PSTK: variants seen among roughly 807,000 people sequenced by gnomAD.
PSTK encodes the protein L-seryl-tRNA(Sec) kinase.
Under a neutral mutation model 38.6 loss-of-function variants are expected in PSTK, and 26 were observed. That is an observed-to-expected ratio of 0.67 (90% confidence interval 0.49 to 0.94). The LOEUF (loss-of-function observed/expected upper bound fraction) is 0.94, where lower values mean the gene tolerates loss of function less well. Among genes scored for constraint, PSTK ranks in the 40% least tolerant of loss-of-function variants. PSTK has a pLI of 0.00. For missense variants in PSTK, 445 were observed against 436.3 expected (o/e 1.02, Z -0.18); for synonymous variants, 181 against 161.7 (o/e 1.12, Z -0.91).
At chr10:122,981,065 G>A (rs1450844076) in intron 1 of PSTK, among the ~76,000 whole-genome samples, 3 of 152,326 alleles carry the variant, frequency 2.0e-5, no homozygotes, top group East Asian at 3.9e-4. Context: ...AATCCCTTAG[G>A]AAGTTTCTCC....
chr10:122,981,823 A>G (rs1848962448), intron 1 of PSTK, among the ~76,000 whole-genome samples: 1 of 152,146 alleles, frequency 6.6e-6, no homozygotes, highest in Non-Finnish European at 1.5e-5. Context: ...CTTCACTTGT[A>G]TTATGTTGTT....
At chr10:122,983,070 G>A (rs3736585) in intron 2 of PSTK, 46 bp downstream of exon 2, 999,824 of 1,495,908 alleles carry the variant, frequency 0.67, 338,131 homozygotes, top group Non-Finnish European at 0.69. Context: ...ACTTATTCAC[G>A]TATCAAAAAC....
At chr10:122,986,247 A>AC in intron 3 of PSTK, 53 bp from the exon 4 acceptor site, 1 of 1,091,510 alleles carries the variant, frequency 9.2e-7, no homozygotes, top group Non-Finnish European at 1.3e-6. Context: ...AAAAAAAAAA[A>AC]GTCAGATGTT....
chr10:122,980,652 T>C lies in PSTK; in HGVS notation c.173T>C (p.Val58Ala). Residue 58 changes from valine (V) to alanine (A), a missense_variant, in exon 1 of 6, where the codon GTC becomes GCC. Transcript: ENST00000406217. The surrounding 1 kb of genome is among the most constrained non-coding windows in gnomAD (Gnocchi z 4.3). ...WAIGVVAYDD[V>A]MPDAFLAGAR... Reference sequence around the variant, plus strand: ...ATCGGTGTTGTCGCGTATGATGACGTCATGCCCGACGCGTTTCTCGCCGGG... The same window carrying C: ...ATCGGTGTTGTCGCGTATGATGACGCCATGCCCGACGCGTTTCTCGCCGGG... 1.2e-6 allele frequency: 2 copies of C among 1,602,524 alleles called. No homozygotes were observed. The highest frequency in any genetic ancestry group is 4.6e-5 in the East Asian group (2 of 43,550).
At chr10:122,984,157 C>T (rs184651344) in intron 3 of PSTK, 5 of 152,292 alleles carry the variant, frequency 3.3e-5, no homozygotes, top group East Asian at 1.9e-4. Flanking sequence ...ATATTGCCCA[C>T]ACTTCCTTAG....
At chr10:122,986,276 T>G in intron 3 of PSTK, 24 bp from the exon 4 acceptor site, 1 of 1,506,692 alleles carries the variant, frequency 6.6e-7, no homozygotes, top group Non-Finnish European at 9.1e-7. Flanking sequence ...GGATCTATTG[T>G]ATTTTATCCC....
chr10:122,986,425 T>A, intron 4 of PSTK, 50 bp downstream of exon 4: 1 of 1,276,360 alleles, frequency 7.8e-7, no homozygotes, highest in Non-Finnish European at 1.1e-6. Context: ...CAACTTTTTG[T>A]AGGAAGATCT....
intron 5 of PSTK, among the ~76,000 whole-genome samples, chr10:122,989,377 G>A (rs993516444): frequency 6.6e-6 from 1 of 151,946 alleles, no homozygotes; most frequent in African/African-American, 2.4e-5. Flanking sequence ...TCAGCCTCCC[G>A]AGTAGCTGGG....
Position 122,990,279 on chromosome 10 carries a change from G to T in PSTK, c.983G>T (p.Cys328Phe), listed in dbSNP as rs1474325868. ...DLKQGNKKYL[C>F]FQQTIDIPDV... ...AAACAAGGAAACAAAAAATATCTGT[G>T]CTTTCAGCAAACCATTGACATACCA... The change falls in exon 6 of 6, where the codon TGC becomes TTC. Residue 328 changes from cysteine to phenylalanine, a missense_variant. By Grantham distance (205) the Cys-to-Phe change is radical. Transcript: ENST00000406217. 6.5e-7 allele frequency: 1 copy of T among 1,539,086 alleles called. No homozygotes were observed. The highest frequency in any genetic ancestry group is 2.1e-5 in the Admixed American group (1 of 48,478).
At position 122,982,626 on chromosome 10, in the gene PSTK, T is replaced by A. The variant is rs183846981; in HGVS notation, c.217-107T>A. On this transcript the variant is annotated intron_variant, in intron 1 of 5. Coordinates refer to ENST00000406217, the MANE Select transcript of PSTK (RefSeq NM_001363531.2). ...GGTGTGTTAGAGAACTACAGATGGTTCCGTATTGTGAGCTGAAATTTTCAT... is the reference window on the plus strand; with the variant it reads ...GGTGTGTTAGAGAACTACAGATGGTACCGTATTGTGAGCTGAAATTTTCAT... 4.0e-5 allele frequency: 34 copies of A among 858,596 alleles called. 1 individual carries two copies. In the Admixed American group the frequency reaches 7.6e-4, roughly 19 times the overall value. The allele number at this position is 858,596 out of a possible 1,614,324, so 53.2% of individuals were successfully genotyped here.
Position 122,986,537 on chromosome 10 carries a change from G to A in PSTK, c.783+162G>A, listed in dbSNP as rs373496129. The A allele has an allele frequency of 1.0e-4, 66 of 635,598 alleles. 1 individual carries two copies. The highest frequency in any genetic ancestry group is 6.6e-4 in the African/African-American group (36 of 54,536). The allele number at this position is 635,598 out of a possible 1,614,324, so 39.4% of individuals were successfully genotyped here. On this transcript the variant is annotated intron_variant, in intron 4 of 5. Transcript: ENST00000406217. ...TGACAGCTCATGCCGGCTGGGCAAA[G>A]CCGATTGTTAAACTTTCAAAAGTGT...
chr10:122,981,747 G>A (rs920703813), intron 1 of PSTK, among the ~76,000 whole-genome samples: 3 of 152,228 alleles, frequency 2.0e-5, no homozygotes, highest in Non-Finnish European at 4.4e-5. Flanking sequence ...CTGGATGATA[G>A]TATTTTCAAC....
At position 122,983,411 on chromosome 10, in the gene PSTK, A is replaced by G; in HGVS notation, c.648A>G (p.Lys216=). 6.2e-7 allele frequency: 1 copy of G among 1,614,164 alleles called. No individual in the cohort carries two copies. Among genetic ancestry groups the G allele is most frequent in the Non-Finnish European group, 8.5e-7 (1 of 1,180,052 alleles). ...AGCTAGAAAAGCCCAACCCTGAGAA[A>G]AATGCTTGGGAACACAACAGCCTCA... The part of the protein sequence containing the change: ...GRKLEKPNPE[K]NAWEHNSLTI... Residue 216 remains lysine (K), a synonymous_variant, in exon 3 of 6, where the codon AAA becomes AAG. Coordinates refer to ENST00000406217, the MANE Select transcript of PSTK (RefSeq NM_001363531.2).
chr10:122,989,288 G>A (rs1417825501), intron 5 of PSTK, among the ~76,000 whole-genome samples: 1 of 152,250 alleles, frequency 6.6e-6, no homozygotes. Flanking sequence ...GTCTTGCTCT[G>A]TTGCCCAGGC....
chr10:122,986,871 CACAG>C lies in PSTK; in HGVS notation c.792_795del (p.Asp264GlufsTer24), dbSNP rs773993098. On this transcript the variant is annotated frameshift_variant, in exon 5 of 6. Coordinates refer to ENST00000406217, the MANE Select transcript of PSTK (RefSeq NM_001363531.2). LOFTEE classifies it high-confidence loss of function. ...TAACAATGTCTGTATTAACATAGGA[CACAG>C]ACAGAATTATTTGTTCAACTAACAT... 3 of 1,575,368 alleles carry C rather than the reference CACAG, an allele frequency of 1.9e-6. No homozygotes were observed. In the East Asian group the frequency reaches 6.7e-5, roughly 35 times the overall value.
chr10:122,984,378 A>G (rs1404810352), intron 3 of PSTK: 1 of 152,144 alleles, frequency 6.6e-6, no homozygotes, highest in African/African-American at 2.4e-5. Flanking sequence ...CAATTCTTCC[A>G]ACTTGACCTC....
At chr10:122,984,763 G>T (rs918039278) in intron 3 of PSTK, 1 of 152,232 alleles carries the variant, frequency 6.6e-6, no homozygotes, top group Non-Finnish European at 1.5e-5. Flanking sequence ...ATGAAAATTA[G>T]CTAGTGATCA....
In PSTK at chr10:122,980,471, C is replaced by G. The variant is rs1222218979; in HGVS notation, c.-9C>G. On this transcript the variant is annotated 5_prime_UTR_variant, in exon 1 of 6. Transcript: ENST00000406217. This position sits in a 1 kb window ranked among gnomAD's most constrained non-coding sequence, Gnocchi z 4.3. ...ACGCTCCCAGACTCCTCCGGTCTCC[C>G]CGGGCAGCATGAAGACCGCCGAGAA... is the stretch of plus-strand genomic sequence containing the variant. 2.5e-6 allele frequency: 4 copies of G among 1,589,578 alleles called. No homozygotes were observed. Among genetic ancestry groups the G allele is most frequent in the Non-Finnish European group, 3.4e-6 (4 of 1,172,264 alleles).
Position 122,983,381 on chromosome 10 carries a change from A to G in PSTK, c.618A>G (p.Gly206=). The stretch of plus-strand genomic sequence containing the variant: ...CTCCTGAGACCATCCACCTGATGGG[A>G]AGAAAGCTAGAAAAGCCCAACCCTG... The part of the protein sequence containing the change: ...ALPPETIHLM[G]RKLEKPNPEK... Residue 206 remains glycine, a synonymous_variant, in exon 3 of 6, where the codon GGA becomes GGG. Coordinates refer to ENST00000406217, the MANE Select transcript of PSTK (RefSeq NM_001363531.2). The G allele has an allele frequency of 6.2e-7, 1 of 1,614,204 alleles. No homozygotes were observed. Among genetic ancestry groups the G allele is most frequent in the Non-Finnish European group, 8.5e-7 (1 of 1,180,026 alleles).
Sources: gnomAD v4.1 joint callset for allele counts (sites outside exome capture counted in the v4.1 genomes callset) on GRCh38, gnomAD v4.1.1 for gene constraint, Gnocchi (gnomAD v3.1) non-coding constraint, MANE v1.5 for transcripts, NCBI Gene and HGNC (gene_info 2026-07-23, HGNC 2026-07-21) for gene names.